The following RREB1 variants were observed in gnomAD, a reference collection of about 807,000 sequenced individuals.
The protein encoded by RREB1 is ras-responsive element-binding protein 1.
Under a neutral mutation model 117.8 loss-of-function variants are expected in RREB1, and 27 were observed. That is an observed-to-expected ratio of 0.23 (90% CI 0.17 to 0.32). The LOEUF is 0.32. RREB1 is among the 10% of genes least tolerant of loss of function. The pLI, the probability that RREB1 is intolerant of heterozygous loss-of-function variation, is 1.00. For missense variants in RREB1, 2,577 were observed against 2,378.2 expected, an observed-to-expected ratio of 1.08 and a Z score of -1.74; for synonymous variants, 1,298 against 1,026.7, an observed-to-expected ratio of 1.26 and a Z score of -5.05.
rs148689699 is a variant in RREB1, at chr6:7,231,296, C to T, written c.3197C>T (p.Ala1066Val). ...PPVTEELPPL[A>V]SIAQIISSVS... ...GTGACAGAAGAGCTGCCCCCGCTGG[C>T]CTCCATTGCCCAGATCATCTCATCT... Residue 1066 changes from alanine (A) to valine (V), a missense_variant, in exon 10 of 13, where the codon GCC (alanine) becomes GTC (valine). Ala to Val is a moderately conservative substitution (Grantham distance 64). Transcript: ENST00000379938. The T allele has an allele frequency of 5.4e-5, 86 of 1,607,174 alleles. 1 individual carries two copies. The African/African-American group carries it at 8.7e-4, about 16-fold the overall frequency.
At chr6:7,188,125 G>A (rs187125612) in intron 5 of RREB1, among the ~76,000 whole-genome samples, 74 of 152,172 alleles carry the variant, frequency 4.9e-4, no homozygotes, top group African/African-American at 1.7e-3. Context: ...CCAAGATTGC[G>A]CCACTGCACT....
At position 7,123,214 on chromosome 6, in the gene RREB1, A is replaced by G. The variant is rs184579988; in HGVS notation, c.-285+15154A>G. Among the ~76,000 whole-genome samples, 418 of 151,952 alleles carry G rather than the reference A, an allele frequency of 2.8e-3. 4 individuals carry two copies. The highest frequency in any genetic ancestry group is 9.8e-3 in the African/African-American group (405 of 41,436). ...ACTCTGTTGCCCAGGCTGGAGTACA[A>G]TGGTGCAATCTCGTCTCACTGCAAC... On this transcript the variant is annotated intron_variant, in intron 1 of 12. Transcript: ENST00000379938.
At chr6:7,168,254 G>GAAAAAAA (rs574593859) in intron 1 of RREB1, among the ~76,000 whole-genome samples, 2 of 72,930 alleles carry the variant, frequency 2.7e-5, no homozygotes, top group African/African-American at 4.9e-5. Context: ...GACTCCGTCT[G>GAAAAAAA]AAAAAAAAAA....
chr6:7,156,515 C>A (rs1241450310), intron 1 of RREB1, among the ~76,000 whole-genome samples: 2 of 152,196 alleles, frequency 1.3e-5, no homozygotes, highest in African/African-American at 4.8e-5. Context: ...CAGCCACCTT[C>A]CGCACTGAGC....
rs748250086 is a variant in RREB1 at position 7,230,735 on chromosome 6, C to G, written c.2636C>G (p.Pro879Arg). 11 of 1,603,168 alleles carry G rather than the reference C, an allele frequency of 6.9e-6. No homozygotes were observed. The highest frequency in any genetic ancestry group is 9.4e-6 in the Non-Finnish European group (11 of 1,173,730). Residue 879 changes from proline (P) to arginine (R), a missense_variant, in exon 10 of 13, where the codon CCT becomes CGT. Transcript: ENST00000379938. ...FLHRGPTQPP[P>R]PHVSIKLEPA... Reference sequence around the variant, plus strand: ...CACAGGGGCCCCACCCAGCCTCCACCTCCCCATGTCTCGATCAAGTTGGAG... The same window carrying G: ...CACAGGGGCCCCACCCAGCCTCCACGTCCCCATGTCTCGATCAAGTTGGAG...
Position 7,230,966 on chromosome 6 carries a change from C to T in RREB1, c.2867C>T (p.Ala956Val), listed in dbSNP as rs199732282. Residue 956 changes from alanine (A) to valine (V), a missense_variant, in exon 10 of 13, where the codon GCC (alanine) becomes GTC (valine). Ala to Val is a moderately conservative substitution (Grantham distance 64). Coordinates refer to ENST00000379938, the MANE Select transcript of RREB1 (RefSeq NM_001003699.4). ...AAGGATTTGGCCACTCCCAGCGAAG[C>T]CAAGAAGCCTGAGGAGGAGGCGGGG... ...GDKDLATPSE[A>V]KKPEEEAGSS... 3.7e-6 allele frequency: 6 copies of T among 1,614,102 alleles called. No individual in the cohort carries two copies. The South Asian group carries it at 4.4e-5, about 12-fold the overall frequency.
At chr6:7,161,442 G>GTT (rs1763657192) in intron 1 of RREB1, among the ~76,000 whole-genome samples, 2 of 152,168 alleles carry the variant, frequency 1.3e-5, no homozygotes, top group South Asian at 4.1e-4. Flanking sequence ...TCTTAGGATG[G>GTT]TTAGACTTGA....
At chr6:7,146,286 C>T (rs538026669) in intron 1 of RREB1, among the ~76,000 whole-genome samples, 14 of 152,208 alleles carry the variant, frequency 9.2e-5, no homozygotes, top group East Asian at 7.7e-4. Flanking sequence ...TGTCATGTAA[C>T]ATAGGCCCCA....
At chr6:7,177,393 C>T (rs115512784) in intron 2 of RREB1, among the ~76,000 whole-genome samples, 1,620 of 151,912 alleles carry the variant, frequency 0.011, 34 homozygotes, top group African/African-American at 0.037. Context: ...CCTCCCTCCC[C>T]TCCAAATCCA....
intron 1 of RREB1, among the ~76,000 whole-genome samples, chr6:7,141,608 G>C (rs1304189642): frequency 1.3e-5 from 2 of 152,170 alleles, no homozygotes; most frequent in Non-Finnish European, 2.9e-5. Flanking sequence ...TGAAACATTT[G>C]GCTTCCCCGA....
intron 11 of RREB1, among the ~76,000 whole-genome samples, chr6:7,245,693 C>A (rs1449481042): frequency 2.6e-5 from 4 of 152,180 alleles, no homozygotes; most frequent in South Asian, 4.1e-4. Context: ...GAACCCAGAA[C>A]CCCTTGTCTT....
At chr6:7,127,505 G>A (rs534357152) in intron 1 of RREB1, among the ~76,000 whole-genome samples, 1 of 152,212 alleles carries the variant, frequency 6.6e-6, no homozygotes, top group East Asian at 1.9e-4. Flanking sequence ...TAATTGTGTT[G>A]TACTAGTTGG....
chr6:7,231,793 C>T lies in RREB1; in HGVS notation c.3694C>T (p.Leu1232=). 6.2e-7 allele frequency: 1 copy of T among 1,613,780 alleles called. No homozygotes were observed. The highest frequency in any genetic ancestry group is 8.5e-7 in the Non-Finnish European group (1 of 1,180,036). The change falls in exon 10 of 13, where the codon CTG becomes TTG. Residue 1232 remains leucine (L), a synonymous_variant. Transcript: ENST00000379938. ...GGGCAGTCCCCCAGAAGACAAGCTG[C>T]TGAGGGCCAAGCGGAACTCGTACAC... ...EQGSPPEDKL[L]RAKRNSYTNC... is the part of the protein sequence containing the mutation.
chr6:7,190,883 A>G (rs572867306), intron 6 of RREB1, among the ~76,000 whole-genome samples: 100 of 152,200 alleles, frequency 6.6e-4, no homozygotes, highest in Non-Finnish European at 1.2e-3. Flanking sequence ...TTTCCTGCTG[A>G]GCCTCTGCTC....
chr6:7,249,082 A>C lies in RREB1; in HGVS notation c.*114A>C. 1.3e-6 allele frequency: 1 copy of C among 766,774 alleles called. No individual in the cohort carries two copies. Among genetic ancestry groups the C allele is most frequent in the Non-Finnish European group, 2.0e-6 (1 of 497,296 alleles). 47.5% of individuals were successfully genotyped at this position (766,774 alleles called of 1,614,324 possible). A position where few individuals can be genotyped will look rare whatever the true frequency, so the allele number is the denominator to read the frequency against. ...AGGAGTGAGAGAGAGAGAGAGAGAGAGAGAGAGAGAGAGAGAGAGAGACAA... is the reference window on the plus strand; with the variant it reads ...AGGAGTGAGAGAGAGAGAGAGAGAGCGAGAGAGAGAGAGAGAGAGAGACAA... On this transcript the variant is annotated 3_prime_UTR_variant, in exon 13 of 13. Transcript: ENST00000379938.
chr6:7,115,311 C>T (rs1011957099), intron 1 of RREB1, among the ~76,000 whole-genome samples: 1 of 152,018 alleles, frequency 6.6e-6, no homozygotes, highest in Non-Finnish European at 1.5e-5. Context: ...CAGGAGTGAT[C>T]TTTTAGCCAG....
intron 5 of RREB1, among the ~76,000 whole-genome samples, chr6:7,188,217 C>A (rs957414877): frequency 8.5e-6 from 1 of 118,278 alleles, no homozygotes; most frequent in African/African-American, 3.2e-5. Flanking sequence ...AGAATCGCTC[C>A]CCCCCACACG....
intron 1 of RREB1, among the ~76,000 whole-genome samples, chr6:7,147,287 T>C (rs1762912291): frequency 6.6e-6 from 1 of 152,218 alleles, no homozygotes; most frequent in African/African-American, 2.4e-5. Flanking sequence ...TAGTTGTTTT[T>C]TTCCCCCTTA....
In RREB1 at chr6:7,192,116, A is replaced by ATTTTTTT. The variant is rs34074532; in HGVS notation, c.425+2815_425+2821dup. 1.5e-3 allele frequency among the ~76,000 whole-genome samples: 23 copies of ATTTTTTT among 15,316 alleles called. 1 individual carries two copies. The highest frequency in any genetic ancestry group is 3.9e-3 in the African/African-American group (13 of 3,354). The allele number at this position is 15,316 out of a possible 152,430, so 10.0% of individuals were successfully genotyped here. The stretch of plus-strand genomic sequence containing the variant: ...AAAAGGTATTGGATTTTGTCAGATG[A>ATTTTTTT]TTTTTTTTTTTTTTTTTTTTTTTTT... On this transcript the variant is annotated intron_variant, in intron 6 of 12. Transcript: ENST00000379938.
Sources: gnomAD v4.1 joint callset for allele counts (sites outside exome capture counted in the v4.1 genomes callset) on GRCh38, gnomAD v4.1.1 for gene constraint, MANE v1.5 for transcripts, NCBI Gene and HGNC (gene_info 2026-07-23, HGNC 2026-07-21) for gene names.